The following NRG3 variants were observed in gnomAD, a reference collection of about 807,000 sequenced individuals.
The protein encoded by NRG3 is pro-neuregulin-3, membrane-bound isoform.
A neutral mutation model predicts 66.9 loss-of-function variants in NRG3; 31 were observed. The observed-to-expected ratio is 0.46, with a 90% CI of 0.35 to 0.63. NRG3 has a LOEUF of 0.63. NRG3 is among the 20% of genes least tolerant of loss of function. NRG3 has a pLI of 0.00. For synonymous variants in NRG3, 393 were observed against 359.4 expected, an observed-to-expected ratio of 1.09 and a Z score of -1.06; for missense variants, 910 against 878.9, an observed-to-expected ratio of 1.04 and a Z score of -0.45.
At chr10:82,842,227 G>C (rs2063090256) in intron 3 of NRG3, among the ~76,000 whole-genome samples, 1 of 152,054 alleles carries the variant, frequency 6.6e-6, no homozygotes, top group Non-Finnish European at 1.5e-5. Flanking sequence ...CTCCAGCCTG[G>C]GCAACAAAGC....
chr10:82,826,164 TAG>T (rs141001678), intron 3 of NRG3, among the ~76,000 whole-genome samples: 8,293 of 152,284 alleles, frequency 0.054, 340 homozygotes, highest in African/African-American at 0.12. Flanking sequence ...CTCATAATCA[TAG>T]AGAGTTTGAT....
chr10:82,291,364 G>A (rs2079736891), intron 1 of NRG3, among the ~76,000 whole-genome samples: 1 of 152,110 alleles, frequency 6.6e-6, no homozygotes, highest in Admixed American at 6.6e-5. Context: ...TAATTGGAGA[G>A]ACATATGGTG....
chr10:82,953,372 A>G (rs1341044603), intron 5 of NRG3, among the ~76,000 whole-genome samples: 1 of 152,012 alleles, frequency 6.6e-6, no homozygotes, highest in Non-Finnish European at 1.5e-5. Flanking sequence ...TTTAAATCAC[A>G]TGCTCTAAAC....
chr10:82,336,338 G>C (rs1248375983), intron 1 of NRG3, among the ~76,000 whole-genome samples: 1 of 152,094 alleles, frequency 6.6e-6, no homozygotes, highest in Non-Finnish European at 1.5e-5. Context: ...AGTGCAGATT[G>C]GGAAACAGCT....
intron 3 of NRG3, among the ~76,000 whole-genome samples, chr10:82,816,079 A>G (rs1196923688): frequency 6.6e-6 from 1 of 152,194 alleles, no homozygotes; most frequent in East Asian, 1.9e-4. Flanking sequence ...CAGAGCCCCA[A>G]AAAGGGTGTC....
intron 2 of NRG3, among the ~76,000 whole-genome samples, chr10:82,649,581 G>GT (rs1368788580): frequency 1.3e-4 from 19 of 145,508 alleles, no homozygotes; most frequent in African/African-American, 4.5e-4. Flanking sequence ...AGCGTCCCTA[G>GT]TAACTGGGAT....
intron 1 of NRG3, among the ~76,000 whole-genome samples, chr10:82,025,634 C>G (rs2062266082): frequency 6.6e-6 from 1 of 152,034 alleles, no homozygotes; most frequent in East Asian, 1.9e-4. Context: ...TGCAACCTTA[C>G]CAATACTAAA....
intron 2 of NRG3, among the ~76,000 whole-genome samples, chr10:82,417,509 A>G (rs1049003747): frequency 3.9e-5 from 6 of 152,200 alleles, no homozygotes; most frequent in Non-Finnish European, 8.8e-5. Context: ...ATGTCATTCT[A>G]TAAATAATAC....
At chr10:82,910,022 T>C (rs1845171025) in intron 4 of NRG3, among the ~76,000 whole-genome samples, 1 of 152,222 alleles carries the variant, frequency 6.6e-6, no homozygotes, top group African/African-American at 2.4e-5. Context: ...AAGGTCTTGA[T>C]TGCATATTGA....
chr10:82,572,702 A>G (rs906477901), intron 2 of NRG3, among the ~76,000 whole-genome samples: 20 of 151,626 alleles, frequency 1.3e-4, no homozygotes, highest in African/African-American at 4.8e-4. Context: ...GGTAAAAGTA[A>G]TGTAAAAAAT....
intron 3 of NRG3, among the ~76,000 whole-genome samples, chr10:82,780,982 CA>C (rs1250424063): frequency 2.6e-5 from 4 of 152,124 alleles, no homozygotes; most frequent in Non-Finnish European, 5.9e-5. Context: ...GGCAGGATTC[CA>C]TTTCAATAAA....
intron 1 of NRG3, among the ~76,000 whole-genome samples, chr10:81,995,185 C>T (rs1164761031): frequency 6.6e-6 from 1 of 152,166 alleles, no homozygotes; most frequent in Non-Finnish European, 1.5e-5. Flanking sequence ...GCAAGCATTT[C>T]ATCTTCATGT....
Position 81,921,830 on chromosome 10 carries a change from T to C in NRG3, c.823+45667T>C, listed in dbSNP as rs545810422. On this transcript the variant is annotated intron_variant, in intron 1 of 8. Transcript: ENST00000372141. ...TTTGTTGGAACTCCAATACAATTTCTAGTGAAACTATGAATGGAAATGACA... is the reference window on the plus strand; with the variant it reads ...TTTGTTGGAACTCCAATACAATTTCCAGTGAAACTATGAATGGAAATGACA... Among the ~76,000 whole-genome samples, 3 of 152,274 alleles carry C rather than the reference T, an allele frequency of 2.0e-5. No individual in the cohort carries two copies. The South Asian group carries it at 6.2e-4, about 32-fold the overall frequency.
chr10:81,963,125 C>CTTTTTTTTTTTTTT (rs777026850), intron 1 of NRG3, among the ~76,000 whole-genome samples: 5 of 70,122 alleles, frequency 7.1e-5, no homozygotes, highest in African/African-American at 3.2e-4. Context: ...CACGAGGGCT[C>CTTTTTTTTTTTTTT]TTTTTTTTTT....
At chr10:81,934,231 G>C (rs540764240) in intron 1 of NRG3, among the ~76,000 whole-genome samples, 1 of 152,162 alleles carries the variant, frequency 6.6e-6, no homozygotes, top group Non-Finnish European at 1.5e-5. Context: ...TGAATAGTAA[G>C]TGTATGAAAT....
At chr10:82,268,492 C>G (rs1456009491) in intron 1 of NRG3, among the ~76,000 whole-genome samples, 1 of 152,134 alleles carries the variant, frequency 6.6e-6, no homozygotes, top group Non-Finnish European at 1.5e-5. Context: ...TATTCACCTT[C>G]CCTTACAAGA....
At chr10:81,892,409 T>C (rs1050965564) in intron 1 of NRG3, among the ~76,000 whole-genome samples, 1 of 152,092 alleles carries the variant, frequency 6.6e-6, no homozygotes, top group Non-Finnish European at 1.5e-5. Flanking sequence ...ATTCATCCAA[T>C]TCTAGATATG....
At chr10:81,959,665 T>C (rs1188531341) in intron 1 of NRG3, among the ~76,000 whole-genome samples, 2 of 152,174 alleles carry the variant, frequency 1.3e-5, no homozygotes, top group African/African-American at 4.8e-5. Context: ...TCTTCCACTT[T>C]TAACTTCATT....
chr10:82,536,446 G>A (rs1356275875), intron 2 of NRG3, among the ~76,000 whole-genome samples: 1 of 152,168 alleles, frequency 6.6e-6, no homozygotes, highest in Non-Finnish European at 1.5e-5. Flanking sequence ...TTTACAAACA[G>A]CATATTTTCC....
Sources: gnomAD v4.1 joint callset for allele counts (sites outside exome capture counted in the v4.1 genomes callset) on GRCh38, gnomAD v4.1.1 for gene constraint, MANE v1.5 for transcripts, NCBI Gene and HGNC (gene_info 2026-07-23, HGNC 2026-07-21) for gene names.